Variants in NBEAL1 observed in about 807,000 individuals in gnomAD.
The protein encoded by NBEAL1 is neurobeachin-like protein 1.
In NBEAL1, 273 loss-of-function variants were observed where a neutral mutation model predicts 351.3. The ratio of observed to expected loss-of-function variants is 0.78; its 90% CI spans 0.70 to 0.86. NBEAL1 has a LOEUF of 0.86. Ranked by LOEUF, NBEAL1 falls within the 40% of genes least tolerant of loss-of-function variation. The pLI, the probability that NBEAL1 is intolerant of heterozygous loss-of-function variation, is 0.00. For synonymous variants in NBEAL1, 1,050 were observed against 1,086.4 expected (o/e 0.97, Z 0.66); for missense variants, 2,961 against 3,201.3 (o/e 0.92, Z 1.81).
At chr2:203,217,189 A>G in intron 55 of NBEAL1, 64 bp from the exon 56 acceptor site, 1 of 1,227,186 alleles carries the variant, frequency 8.1e-7, no homozygotes, top group Non-Finnish European at 1.1e-6. Flanking sequence ...TCAGTGTCTT[A>G]CATATCTTTT....
intron 11 of NBEAL1, among the ~76,000 whole-genome samples, chr2:203,099,050 G>A (rs994693615): frequency 2.4e-4 from 37 of 152,090 alleles, no homozygotes; most frequent in African/African-American, 7.7e-4. Context: ...CGAGGTGGGT[G>A]GATCCACTTG....
chr2:203,199,433 T>C lies in NBEAL1; in HGVS notation c.7224T>C (p.Thr2408=). 1 of 1,585,572 alleles carries C rather than the reference T, an allele frequency of 6.3e-7. No individual in the cohort carries two copies. The highest frequency in any genetic ancestry group is 8.7e-7 in the Non-Finnish European group (1 of 1,155,796). Residue 2408 remains threonine (T), a synonymous_variant, in exon 49 of 56, where the codon ACT becomes ACC. Transcript: ENST00000683969. ...SNYFTFIKDQ[T]VTNPKTQRSI... ...ACTTTACATTCATCAAGGATCAAACTGTGACAAATCCAAAGTAAGTAAATG... is the reference window on the plus strand; with the variant it reads ...ACTTTACATTCATCAAGGATCAAACCGTGACAAATCCAAAGTAAGTAAATG...
intron 6 of NBEAL1, 118 bp from the exon 7 acceptor site, chr2:203,068,275 A>C: frequency 2.0e-6 from 1 of 493,410 alleles, no homozygotes; most frequent in East Asian, 3.2e-5. Context: ...TCCTAGAGAT[A>C]CATAGTTCAA....
At chr2:203,163,154 C>T (rs543459784) in intron 36 of NBEAL1, among the ~76,000 whole-genome samples, 147 of 152,206 alleles carry the variant, frequency 9.7e-4, no homozygotes, top group African/African-American at 2.9e-3. Context: ...AAGACTCCAT[C>T]TCAAAAAAGA....
chr2:203,032,660 C>CT (rs747309074), intron 2 of NBEAL1, among the ~76,000 whole-genome samples: 47,679 of 70,170 alleles, frequency 0.68, 18,582 homozygotes, highest in East Asian at 0.86. Context: ...GAAATTGTAG[C>CT]TTTTTTTTTT....
At chr2:203,163,712 G>A (rs2064040132) in intron 36 of NBEAL1, among the ~76,000 whole-genome samples, 2 of 152,240 alleles carry the variant, frequency 1.3e-5, no homozygotes, top group East Asian at 1.9e-4. Context: ...AAACACAACT[G>A]TATATATCAG....
rs149164896 is a variant in NBEAL1 at position 203,182,128 on chromosome 2, A to G, written c.6596-1151A>G. ...ATGCCTTTAGGAAAAAATTTAATAA[A>G]ACCAACTCAAAATTGTGCAAACAAG... On this transcript the variant is annotated intron_variant, in intron 43 of 55. Transcript: ENST00000683969. 5.5e-4 allele frequency: 84 copies of G among 152,320 alleles called. 1 individual carries two copies. Among genetic ancestry groups the G allele is most frequent in the African/African-American group, 1.8e-3 (74 of 41,576 alleles). 9.4% of individuals were successfully genotyped at this position (152,320 alleles called of 1,614,324 possible).
rs758691472 is a variant in NBEAL1, at chr2:203,049,833, G to A, written c.163G>A (p.Gly55Arg). 1.6e-5 allele frequency: 25 copies of A among 1,552,204 alleles called. No individual in the cohort carries two copies. The South Asian group carries it at 2.6e-4, about 16-fold the overall frequency. Residue 55 changes from glycine (G) to arginine (R), a missense_variant, in exon 4 of 56, where the codon GGA (glycine) becomes AGA (arginine). By Grantham distance (125) the Gly-to-Arg change is moderately radical. Transcript: ENST00000683969. ...LPTRVDDMPPGISLLPDNILQ... is the reference protein window; with the variant it reads ...LPTRVDDMPPRISLLPDNILQ... ...TTGTAGGGTAGATGATATGCCTCCAGGAATATCTCTGCTTCCTGATAATAT... is the reference window on the plus strand; with the variant it reads ...TTGTAGGGTAGATGATATGCCTCCAAGAATATCTCTGCTTCCTGATAATAT...
At position 203,066,323 on chromosome 2, in the gene NBEAL1, CTT is replaced by C. The variant is rs35459326; in HGVS notation, c.516-2054_516-2053del. Among the ~76,000 whole-genome samples the C allele has an allele frequency of 6.2e-3, 865 of 139,948 alleles. 6 individuals are homozygous for C. The highest frequency in any genetic ancestry group is 0.018 in the African/African-American group (690 of 37,874). The allele number at this position is 139,948 out of a possible 152,430, so 91.8% of individuals were successfully genotyped here. The stretch of plus-strand genomic sequence containing the variant: ...ACTGAAAGCTAAATTAAATTTTATC[CTT>C]TTTTTTTTTTTTTTTCCATTTAAAC... On this transcript the variant is annotated intron_variant, in intron 6 of 55. Transcript: ENST00000683969.
intron 31 of NBEAL1, among the ~76,000 whole-genome samples, chr2:203,141,383 T>A (rs1047108796): frequency 5.4e-4 from 51 of 94,374 alleles, no homozygotes; most frequent in African/African-American, 1.8e-3. Flanking sequence ...TTTTTTTTTT[T>A]TTTTTTTTTT....
intron 46 of NBEAL1, chr2:203,191,132 A>G: frequency 6.3e-7 from 1 of 1,593,006 alleles, no homozygotes; most frequent in Admixed American, 1.7e-5. Context: ...CAGATGCGGC[A>G]CCGATCCTTA....
At position 203,108,104 on chromosome 2, in the gene NBEAL1, C is replaced by G. The variant is rs1303607896; in HGVS notation, c.1865C>G (p.Ser622Cys). Residue 622 changes from serine (S) to cysteine (C), a missense_variant, in exon 14 of 56, where the codon TCT (serine) becomes TGT (cysteine). By Grantham distance (112) the Ser-to-Cys change is moderately radical. Coordinates refer to ENST00000683969, the MANE Select transcript of NBEAL1 (RefSeq NM_001378026.1). ...CAGAAATGGCCAGGGTCTGCCTTTTCTTTCAGTGCTTGGTTTTGCTTAGAC... is the reference window on the plus strand; with the variant it reads ...CAGAAATGGCCAGGGTCTGCCTTTTGTTTCAGTGCTTGGTTTTGCTTAGAC... ...PIQKWPGSAF[S>C]FSAWFCLDQD... 6.4e-7 allele frequency: 1 copy of G among 1,552,090 alleles called. No homozygotes were observed. The highest frequency in any genetic ancestry group is 1.2e-5 in the South Asian group (1 of 84,100).
At chr2:203,036,663 G>A (rs560412275) in intron 2 of NBEAL1, among the ~76,000 whole-genome samples, 3 of 149,246 alleles carry the variant, frequency 2.0e-5, no homozygotes, top group Non-Finnish European at 4.5e-5. Context: ...TCAAAAAATT[G>A]TGAGTGCTTT....
chr2:203,138,960 C>T (rs55675410), intron 31 of NBEAL1, among the ~76,000 whole-genome samples: 1,646 of 152,164 alleles, frequency 0.011, 14 homozygotes, highest in Middle Eastern at 0.048. Context: ...TTTAAGGCTT[C>T]CTTTTACAGG....
At chr2:203,029,247 C>T (rs757222310) in intron 2 of NBEAL1, among the ~76,000 whole-genome samples, 1 of 152,162 alleles carries the variant, frequency 6.6e-6, no homozygotes, top group Non-Finnish European at 1.5e-5. Context: ...GCCTCAGCTT[C>T]CCAAAGTGTT....
At chr2:203,031,181 C>G (rs2060943896) in intron 2 of NBEAL1, among the ~76,000 whole-genome samples, 1 of 152,142 alleles carries the variant, frequency 6.6e-6, no homozygotes, top group Non-Finnish European at 1.5e-5. Context: ...TTGGCAGTTT[C>G]TCTTGTCTTC....
At chr2:203,133,724 T>C (rs1168443987) in intron 27 of NBEAL1, among the ~76,000 whole-genome samples, 1 of 151,158 alleles carries the variant, frequency 6.6e-6, no homozygotes, top group African/African-American at 2.4e-5. Context: ...TATATATATG[T>C]GTGTGTGAGA....
intron 8 of NBEAL1, among the ~76,000 whole-genome samples, chr2:203,082,738 G>C (rs1286569053): frequency 6.6e-6 from 1 of 152,166 alleles, no homozygotes; most frequent in Admixed American, 6.5e-5. Flanking sequence ...GGGTTAGGCA[G>C]TTTTGAGCTG....
At chr2:203,149,646 A>G (rs1409745197) in intron 34 of NBEAL1, among the ~76,000 whole-genome samples, 1 of 152,138 alleles carries the variant, frequency 6.6e-6, no homozygotes, top group Non-Finnish European at 1.5e-5. Context: ...ATAATGTTGT[A>G]CAATCATCAC....
Sources: allele counts gnomAD v4.1 joint callset (sites outside exome capture counted in the v4.1 genomes callset), GRCh38; gene constraint gnomAD v4.1.1; transcripts MANE v1.5; gene names NCBI Gene and HGNC (gene_info 2026-07-23, HGNC 2026-07-21).